CDH12: variants seen among roughly 807,000 people sequenced by gnomAD.
The protein encoded by CDH12 is cadherin 12.
A neutral mutation model predicts 74.1 loss-of-function variants in CDH12; 41 were observed. The observed-to-expected ratio is 0.55, with a 90% CI of 0.43 to 0.72. The LOEUF is 0.72. Among genes scored for constraint, CDH12 ranks in the 30% least tolerant of loss-of-function variants. The pLI is 0.00. For synonymous variants in CDH12, 399 were observed against 355.0 expected, an observed-to-expected ratio of 1.12 and a Z score of -1.39; for missense variants, 945 against 977.2, an observed-to-expected ratio of 0.97 and a Z score of 0.44.
At chr5:22,618,283 A>G (rs1434433363) in intron 1 of CDH12, among the ~76,000 whole-genome samples, 1 of 152,068 alleles carries the variant, frequency 6.6e-6, no homozygotes, top group Non-Finnish European at 1.5e-5. Flanking sequence ...GAATTGCTAC[A>G]TTTTCAGGCT....
chr5:22,214,487 A>C (rs889022698), intron 3 of CDH12, among the ~76,000 whole-genome samples: 7 of 152,150 alleles, frequency 4.6e-5, no homozygotes, highest in African/African-American at 1.7e-4. Context: ...TGTAACTGCT[A>C]ATTTCTCCTG....
rs1189358056 is a variant in CDH12, at chr5:22,796,805, C to G, written c.-523+56253G>C. Among the ~76,000 whole-genome samples, 15 of 101,592 alleles carry G rather than the reference C, an allele frequency of 1.5e-4. 1 individual carries two copies. In the Admixed American group the frequency reaches 1.6e-3, roughly 11 times the overall value. 66.6% of individuals were successfully genotyped at this position (101,592 alleles called of 152,430 possible). ...AAAGTGCTGGGATTACAGGCGTGAG[C>G]CACCGCGCCCGGCCCAGATTTTTTA... On this transcript the variant is annotated intron_variant, in intron 1 of 14. Coordinates refer to ENST00000382254, the MANE Select transcript of CDH12 (RefSeq NM_004061.5).
intron 1 of CDH12, among the ~76,000 whole-genome samples, chr5:22,574,386 C>T (rs1308602160): frequency 6.6e-6 from 1 of 151,926 alleles, no homozygotes; most frequent in Non-Finnish European, 1.5e-5. Context: ...TTGTCTATTC[C>T]TTTATTTTTT....
At chr5:22,398,579 A>G (rs1414059745) in intron 3 of CDH12, among the ~76,000 whole-genome samples, 1 of 152,148 alleles carries the variant, frequency 6.6e-6, no homozygotes, top group Non-Finnish European at 1.5e-5. Context: ...GACATTGTCA[A>G]ATTATAATGA....
rs141275121 is a variant in CDH12 at position 22,045,203 on chromosome 5, C to T, written c.231+33243G>A. Among the ~76,000 whole-genome samples the T allele has an allele frequency of 8.1e-3, 1,230 of 152,176 alleles. 18 individuals carry two copies. The highest frequency in any genetic ancestry group is 0.028 in the African/African-American group (1,180 of 41,532). On this transcript the variant is annotated intron_variant, in intron 5 of 14. Transcript: ENST00000382254. ...GTATGTGATGAAATGCTTAATATAG[C>T]TAATCATAAGAGAAAGCAAATCAAA...
intron 5 of CDH12, among the ~76,000 whole-genome samples, chr5:22,001,550 T>G (rs1301904484): frequency 6.6e-6 from 1 of 151,978 alleles, no homozygotes; most frequent in Non-Finnish European, 1.5e-5. Context: ...GTAAATTGAG[T>G]GTCATGGGGG....
At chr5:21,948,765 G>T (rs1224882639) in intron 6 of CDH12, among the ~76,000 whole-genome samples, 1 of 152,176 alleles carries the variant, frequency 6.6e-6, no homozygotes, top group Non-Finnish European at 1.5e-5. Flanking sequence ...ATCTTGAATT[G>T]TAATCTTCAT....
intron 4 of CDH12, among the ~76,000 whole-genome samples, chr5:22,127,453 GACA>G (rs1339455463): frequency 2.1e-5 from 3 of 145,894 alleles, no homozygotes; most frequent in East Asian, 2.0e-4. Flanking sequence ...CTCCAGCCTG[GACA>G]ACAAGAGTGG....
intron 9 of CDH12, among the ~76,000 whole-genome samples, chr5:21,802,787 T>C (rs1216200395): frequency 6.6e-6 from 1 of 151,944 alleles, no homozygotes; most frequent in Non-Finnish European, 1.5e-5. Context: ...AGACGGGGTT[T>C]CAACATGTTG....
intron 3 of CDH12, among the ~76,000 whole-genome samples, chr5:22,364,389 G>A (rs1740945827): frequency 1.3e-5 from 2 of 152,074 alleles, no homozygotes. Context: ...AATATAAGGA[G>A]ATCTGATATA....
At chr5:22,261,119 C>T (rs760396544) in intron 3 of CDH12, among the ~76,000 whole-genome samples, 6 of 150,186 alleles carry the variant, frequency 4.0e-5, no homozygotes, top group Non-Finnish European at 7.4e-5. Context: ...CTTTATTGTG[C>T]TAAAAGCTAT....
intron 2 of CDH12, among the ~76,000 whole-genome samples, chr5:22,417,352 T>C (rs1417934031): frequency 6.6e-6 from 1 of 152,286 alleles, no homozygotes; most frequent in African/African-American, 2.4e-5. Context: ...TCTGAATGCA[T>C]TGATGCAATT....
chr5:22,595,639 T>G (rs1736566487), intron 1 of CDH12, among the ~76,000 whole-genome samples: 1 of 152,162 alleles, frequency 6.6e-6, no homozygotes, highest in Non-Finnish European at 1.5e-5. Context: ...ACCCAACACC[T>G]AACACATACA....
At chr5:22,809,375 A>T (rs1044445583) in intron 1 of CDH12, among the ~76,000 whole-genome samples, 4 of 151,804 alleles carry the variant, frequency 2.6e-5, no homozygotes, top group African/African-American at 9.7e-5. Flanking sequence ...TAACAATATA[A>T]TCCTATATAA....
chr5:22,641,538 G>A (rs894697296), intron 1 of CDH12, among the ~76,000 whole-genome samples: 5 of 151,868 alleles, frequency 3.3e-5, no homozygotes, highest in Non-Finnish European at 7.4e-5. Flanking sequence ...GCACTTTACC[G>A]GTTCGCTAGC....
At chr5:21,925,646 G>T (rs1414590638) in intron 6 of CDH12, among the ~76,000 whole-genome samples, 1 of 151,934 alleles carries the variant, frequency 6.6e-6, no homozygotes, top group South Asian at 2.1e-4. Context: ...TTTTCATTTT[G>T]CTCTTTCTGT....
At chr5:22,509,161 A>T (rs1046402065) in intron 1 of CDH12, among the ~76,000 whole-genome samples, 1 of 152,200 alleles carries the variant, frequency 6.6e-6, no homozygotes, top group African/African-American at 2.4e-5. Flanking sequence ...AACCTAGGAC[A>T]GGCATATAAT....
chr5:22,205,723 T>C (rs1751183181), intron 4 of CDH12, among the ~76,000 whole-genome samples: 1 of 152,004 alleles, frequency 6.6e-6, no homozygotes, highest in Admixed American at 6.6e-5. Context: ...AGAACTGAGA[T>C]GTTACCAGAG....
intron 1 of CDH12, among the ~76,000 whole-genome samples, chr5:22,515,180 A>G (rs1736754811): frequency 6.6e-6 from 1 of 152,274 alleles, no homozygotes; most frequent in Non-Finnish European, 1.5e-5. Context: ...CTTGATTGAT[A>G]ACTATTAAAT....
Sources: allele counts gnomAD v4.1 joint callset (sites outside exome capture counted in the v4.1 genomes callset), GRCh38; gene constraint gnomAD v4.1.1; transcripts MANE v1.5; gene names NCBI Gene and HGNC (gene_info 2026-07-23, HGNC 2026-07-21).